Variants in AKT2 observed in about 807,000 individuals in gnomAD.
The protein encoded by AKT2 is RAC-beta serine/threonine-protein kinase.
In AKT2, 16 loss-of-function variants were observed where a neutral mutation model predicts 58.6. That is an observed-to-expected ratio of 0.27 (90% confidence interval 0.18 to 0.41). The LOEUF (loss-of-function observed/expected upper bound fraction) is 0.41, where lower values mean the gene tolerates loss of function less well. Among genes scored for constraint, AKT2 ranks in the 10% least tolerant of loss-of-function variants. AKT2 has a pLI of 1.00. For missense variants in AKT2, 438 were observed against 661.0 expected (o/e 0.66, Z 3.70); for synonymous variants, 253 against 254.0 (o/e 1.00, Z 0.04).
intron 1 of AKT2, among the ~76,000 whole-genome samples, chr19:40,273,883 CA>C (rs1310582453): frequency 1.3e-5 from 2 of 152,166 alleles, no homozygotes; most frequent in African/African-American, 4.8e-5. Context: ...GCCCATGGAT[CA>C]CGTCCAAGGC....
At chr19:40,265,404 C>T in intron 1 of AKT2, 53 bp from the exon 2 acceptor site, 1 of 1,526,364 alleles carries the variant, frequency 6.6e-7, no homozygotes, top group Non-Finnish European at 8.8e-7. Flanking sequence ...CACACCAGCC[C>T]CTTCCCTGAG....
rs759201760 is a variant in AKT2 at position 40,233,525 on chromosome 19, C to T, written c.*347G>A. On this transcript the variant is annotated 3_prime_UTR_variant, in exon 14 of 14. Coordinates refer to ENST00000392038, the MANE Select transcript of AKT2 (RefSeq NM_001626.6). The surrounding 1 kb of genome is among the most constrained non-coding windows in gnomAD (Gnocchi z 4.3). ...AGCAGCGCGGAGGCAGACACCAGCA[C>T]GACACCCAGGCCAGAAACTCAGGCA... 6.4e-6 allele frequency: 4 copies of T among 628,202 alleles called. No individual in the cohort carries two copies. Among genetic ancestry groups the T allele is most frequent in the African/African-American group, 5.3e-5 (3 of 56,832 alleles). The allele number at this position is 628,202 out of a possible 1,614,324, so 38.9% of individuals were successfully genotyped here. A position where few individuals can be genotyped will look rare whatever the true frequency, so the allele number is the denominator to read the frequency against.
intron 4 of AKT2, among the ~76,000 whole-genome samples, chr19:40,252,024 G>C (rs1390373237): frequency 6.6e-6 from 1 of 152,208 alleles, no homozygotes; most frequent in Non-Finnish European, 1.5e-5. Context: ...GGGGGACAGG[G>C]AGGAGGGTCT....
rs1044007307 is a variant in AKT2 at position 40,232,868 on chromosome 19, G to C, written c.*1004C>G. ...AACGTGGGGCCCTGGGGAGAGGGAG[G>C]GGTGAGGGGGGCCTAGGAGCCTCCC... On this transcript the variant is annotated 3_prime_UTR_variant, in exon 14 of 14. Transcript: ENST00000392038. 8.4e-6 allele frequency: 2 copies of C among 236,980 alleles called. No homozygotes were observed. Among genetic ancestry groups the C allele is most frequent in the East Asian group, 1.2e-4 (2 of 16,910 alleles). The allele number at this position is 236,980 out of a possible 1,614,324, so 14.7% of individuals were successfully genotyped here. A position where few individuals can be genotyped will look rare whatever the true frequency, so the allele number is the denominator to read the frequency against.
intron 1 of AKT2, among the ~76,000 whole-genome samples, chr19:40,271,546 A>T (rs947386694): frequency 1.3e-5 from 2 of 151,914 alleles, no homozygotes; most frequent in Non-Finnish European, 2.9e-5. Context: ...GAGGGAACCA[A>T]CTCCCTCATC....
In AKT2 at chr19:40,242,783, C is replaced by T; in HGVS notation, c.288-96G>A. On this transcript the variant is annotated intron_variant, in intron 4 of 13. Transcript: ENST00000392038. This position sits in a 1 kb window ranked among gnomAD's most constrained non-coding sequence, Gnocchi z 4.3. ...CCTCCCAGCCACCCCCAGCAACAGG[C>T]AAGCAAATGACCACATAACCATGGG... 7.3e-7 allele frequency: 1 copy of T among 1,363,592 alleles called. No individual in the cohort carries two copies. Among genetic ancestry groups the T allele is most frequent in the Admixed American group, 1.9e-5 (1 of 52,698 alleles). 84.5% of individuals were successfully genotyped at this position (1,363,592 alleles called of 1,614,324 possible). A position where few individuals can be genotyped will look rare whatever the true frequency, so the allele number is the denominator to read the frequency against.
intron 1 of AKT2, chr19:40,273,489 T>C (rs1161997385): frequency 4.4e-5 from 6 of 135,726 alleles, no homozygotes; most frequent in Non-Finnish European, 9.5e-5. Flanking sequence ...TTTTTTTTTT[T>C]CCTGAAAAGG....
rs117036685 is a variant in AKT2, at chr19:40,232,641, C to A, written c.*1231G>T. 1,620 of 233,480 alleles carry A rather than the reference C, an allele frequency of 6.9e-3. 16 individuals carry two copies. The highest frequency in any genetic ancestry group is 0.029 in the South Asian group (158 of 5,534). 14.5% of individuals were successfully genotyped at this position (233,480 alleles called of 1,614,324 possible). Reference sequence around the variant, plus strand: ...TCCCACTAGGTCAGCACCCCTCCCCCACAGGATGAAATGCTCGGGCCAGGG... The same window carrying A: ...TCCCACTAGGTCAGCACCCCTCCCCAACAGGATGAAATGCTCGGGCCAGGG... On this transcript the variant is annotated 3_prime_UTR_variant, in exon 14 of 14. Transcript: ENST00000392038.
rs1974500335 is a variant in AKT2 at position 40,242,878 on chromosome 19, G to A, written c.288-191C>T. The A allele has an allele frequency of 3.1e-6, 2 of 642,948 alleles. No individual in the cohort carries two copies. Among genetic ancestry groups the A allele is most frequent in the South Asian group, 1.8e-5 (1 of 56,468 alleles). 39.8% of individuals were successfully genotyped at this position (642,948 alleles called of 1,614,324 possible). A position where few individuals can be genotyped will look rare whatever the true frequency, so the allele number is the denominator to read the frequency against. On this transcript the variant is annotated intron_variant, in intron 4 of 13. Transcript: ENST00000392038. This position sits in a 1 kb window ranked among gnomAD's most constrained non-coding sequence, Gnocchi z 4.3. Reference sequence around the variant, plus strand: ...TGAGTGAAATTCCACGCCAGGCGCAGTGGCTCATGCCTATAATCCCAGCAC... The same window carrying A: ...TGAGTGAAATTCCACGCCAGGCGCAATGGCTCATGCCTATAATCCCAGCAC...
chr19:40,277,501 C>T (rs2077348302), intron 1 of AKT2, among the ~76,000 whole-genome samples: 1 of 152,142 alleles, frequency 6.6e-6, no homozygotes, highest in Non-Finnish European at 1.5e-5. Flanking sequence ...ACCTGTGTCC[C>T]TTCTCTTTGG....
In AKT2 at chr19:40,235,089, T is replaced by C; in HGVS notation, c.1322A>G (p.Asp441Gly). The change falls in exon 13 of 14, where the codon GAT becomes GGT. Residue 441 changes from aspartate (D) to glycine (G), a missense_variant. By Grantham distance (94) the Asp-to-Gly change is moderately conservative (BLOSUM62 -1). Transcript: ENST00000392038. The surrounding 1 kb of genome is among the most constrained non-coding windows in gnomAD (Gnocchi z 6.3). ...TSEVDTRYFD[D>G]EFTAQSITIT... is the part of the protein sequence containing the mutation. ...TGTGATGGACTGGGCGGTAAATTCA[T>C]CATCGAAGTACCTTGTGTCGACCTC... The C allele has an allele frequency of 1.2e-6, 2 of 1,614,098 alleles. No individual in the cohort carries two copies. The highest frequency in any genetic ancestry group is 1.7e-6 in the Non-Finnish European group (2 of 1,179,996).
intron 3 of AKT2, 161 bp from the exon 4 acceptor site, chr19:40,255,430 C>A: frequency 1.7e-6 from 1 of 600,508 alleles, no homozygotes; most frequent in Non-Finnish European, 3.0e-6. Flanking sequence ...TCACAGGGCT[C>A]AGGGTCTAGT....
Position 40,256,983 on chromosome 19 carries a change from C to A in AKT2, c.118G>T (p.Glu40Ter). 1 of 1,614,200 alleles carries A rather than the reference C, an allele frequency of 6.2e-7. No homozygotes were observed. The highest frequency in any genetic ancestry group is 8.5e-7 in the Non-Finnish European group (1 of 1,180,026). ...GTCTGATCAGGGGCCTCGGGCCTCT[C>A]CTTGTACCCAATGAAGGAGCCGTCG... is the stretch of plus-strand genomic sequence containing the variant. ...KSDGSFIGYK[E>*]RPEAPDQTLP... Residue 40 changes from glutamate to a stop codon, truncating the protein, a stop_gained, in exon 3 of 14, where the codon GAG becomes TAG. Transcript: ENST00000392038. LOFTEE classifies it high-confidence loss of function.
At chr19:40,263,715 C>G (rs1976130883) in intron 2 of AKT2, among the ~76,000 whole-genome samples, 1 of 152,194 alleles carries the variant, frequency 6.6e-6, no homozygotes, top group Non-Finnish European at 1.5e-5. Context: ...GGGCGTCCAT[C>G]CCTCATCGCT....
At chr19:40,258,405 C>T (rs1975706358) in intron 2 of AKT2, among the ~76,000 whole-genome samples, 1 of 151,790 alleles carries the variant, frequency 6.6e-6, no homozygotes, top group Non-Finnish European at 1.5e-5. Context: ...CACAGTGGCT[C>T]CCACCTGTAA....
chr19:40,253,179 C>T (rs1054636150), intron 4 of AKT2, among the ~76,000 whole-genome samples: 3 of 152,138 alleles, frequency 2.0e-5, no homozygotes, highest in Non-Finnish European at 4.4e-5. Flanking sequence ...CACAGGCAAT[C>T]GGCACAGGCA....
In AKT2 at chr19:40,238,204, C is replaced by T; in HGVS notation, c.709-113G>A. Reference sequence around the variant, plus strand: ...ATGTGGTGACACCTGTATCATGAACCAGCAAGTGACAGCTAGAGGGACCAA... The same window carrying T: ...ATGTGGTGACACCTGTATCATGAACTAGCAAGTGACAGCTAGAGGGACCAA... On this transcript the variant is annotated intron_variant, in intron 8 of 13. Coordinates refer to ENST00000392038, the MANE Select transcript of AKT2 (RefSeq NM_001626.6). This position sits in a 1 kb window ranked among gnomAD's most constrained non-coding sequence, Gnocchi z 5.1. 7.4e-7 allele frequency: 1 copy of T among 1,354,290 alleles called. No homozygotes were observed. The allele number at this position is 1,354,290 out of a possible 1,614,324, so 83.9% of individuals were successfully genotyped here.
At chr19:40,241,833 AAGCCCAC>A in intron 6 of AKT2, 98 bp downstream of exon 6, 1 of 1,519,860 alleles carries the variant, frequency 6.6e-7, no homozygotes, top group East Asian at 2.3e-5. Context: ...TGGGGGAAAT[AAGCCCAC>A]AGCAGCAGAA....
intron 1 of AKT2, among the ~76,000 whole-genome samples, chr19:40,277,319 G>A (rs940098608): frequency 1.3e-5 from 2 of 152,130 alleles, no homozygotes; most frequent in Non-Finnish European, 2.9e-5. Context: ...CAGCTAAAAA[G>A]AGTCAATGCC....
Sources: allele counts gnomAD v4.1 joint callset (sites outside exome capture counted in the v4.1 genomes callset), GRCh38; gene constraint gnomAD v4.1.1; non-coding constraint Gnocchi (gnomAD v3.1); transcripts MANE v1.5; gene names NCBI Gene and HGNC (gene_info 2026-07-23, HGNC 2026-07-21).